Variants in PDE7A observed in about 807,000 individuals in gnomAD.
The protein encoded by PDE7A is high affinity 3',5'-cyclic-AMP phosphodiesterase 7A.
PDE7A carries 39 observed loss-of-function variants against 64.3 expected under a neutral mutation model. The observed-to-expected ratio is 0.61, with a 90% CI of 0.47 to 0.79. PDE7A has a LOEUF of 0.79. Ranked by LOEUF, PDE7A falls within the 30% of genes least tolerant of loss-of-function variation. The pLI is 0.00. For synonymous variants in PDE7A, 203 were observed against 206.8 expected, an observed-to-expected ratio of 0.98 and a Z score of 0.16; for missense variants, 470 against 582.8, an observed-to-expected ratio of 0.81 and a Z score of 1.99.
Position 65,744,001 on chromosome 8 carries a change from G to A in PDE7A, c.499+1406C>T, listed in dbSNP as rs144834414. Among the ~76,000 whole-genome samples, 496 of 152,152 alleles carry A rather than the reference G, an allele frequency of 3.3e-3. 4 individuals are homozygous for A. Among genetic ancestry groups the A allele is most frequent in the African/African-American group, 0.011 (476 of 41,524 alleles). On this transcript the variant is annotated intron_variant, in intron 5 of 12. Coordinates refer to ENST00000401827, the MANE Select transcript of PDE7A (RefSeq NM_001242318.3). Reference sequence around the variant, plus strand: ...ACATGAACCACCACACCCAGCCAATGTTTGTATTTTTAGTAGAGATGGGGT... The same window carrying A: ...ACATGAACCACCACACCCAGCCAATATTTGTATTTTTAGTAGAGATGGGGT...
In PDE7A at chr8:65,723,536, G is replaced by A. The variant is rs1806480409; in HGVS notation, c.1243+5C>T. On this transcript the variant is annotated splice_donor_5th_base_variant and intron_variant, in intron 12 of 12. Transcript: ENST00000401827. ...AACCAGCTATATCTAAATATGTATA[G>A]TTACCAATCTGGATGTTGGCAATAG... 6.4e-7 allele frequency: 1 copy of A among 1,553,782 alleles called. No individual in the cohort carries two copies. Among genetic ancestry groups the A allele is most frequent in the African/African-American group, 1.4e-5 (1 of 72,418 alleles).
chr8:65,810,326 G>A (rs1249765228), intron 1 of PDE7A, among the ~76,000 whole-genome samples: 8 of 149,334 alleles, frequency 5.4e-5, no homozygotes, highest in East Asian at 2.0e-4. Flanking sequence ...GGTGGGGAAC[G>A]TGACACACCA....
chr8:65,718,627 C>T lies in PDE7A; in HGVS notation c.*663G>A, dbSNP rs1031423568. On this transcript the variant is annotated 3_prime_UTR_variant, in exon 13 of 13. Coordinates refer to ENST00000401827, the MANE Select transcript of PDE7A (RefSeq NM_001242318.3). ...GGAGTGAAAGCTTGGCGGTACTCTACGATAAATGCTCAGTTTCCAGTGCAT... is the reference window on the plus strand; with the variant it reads ...GGAGTGAAAGCTTGGCGGTACTCTATGATAAATGCTCAGTTTCCAGTGCAT... 3.3e-5 allele frequency: 5 copies of T among 152,402 alleles called. No individual in the cohort carries two copies. In the East Asian group the frequency reaches 7.7e-4, roughly 23 times the overall value. The allele number at this position is 152,402 out of a possible 1,614,324, so 9.4% of individuals were successfully genotyped here. A position where few individuals can be genotyped will look rare whatever the true frequency, so the allele number is the denominator to read the frequency against.
chr8:65,752,468 T>C (rs1289062097), intron 3 of PDE7A, among the ~76,000 whole-genome samples: 3 of 152,206 alleles, frequency 2.0e-5, no homozygotes, highest in African/African-American at 7.2e-5. Flanking sequence ...TTGAATTTCT[T>C]TGAAGGTACT....
chr8:65,808,460 CATT>C (rs1001892717), intron 1 of PDE7A, among the ~76,000 whole-genome samples: 4 of 152,074 alleles, frequency 2.6e-5, no homozygotes, highest in Non-Finnish European at 4.4e-5. Flanking sequence ...AAATCACCGA[CATT>C]ATAAGTTTTT....
In PDE7A at chr8:65,719,244, T is replaced by C; in HGVS notation, c.*46A>G. The stretch of plus-strand genomic sequence containing the variant: ...TCTCACCTCAAGACCCCATTTCACA[T>C]TTCTAAAAACCTCCAGGAGGCAGTT... On this transcript the variant is annotated 3_prime_UTR_variant, in exon 13 of 13. Transcript: ENST00000401827. The C allele has an allele frequency of 7.2e-7, 1 of 1,387,226 alleles. No individual in the cohort carries two copies. The highest frequency in any genetic ancestry group is 1.0e-6 in the Non-Finnish European group (1 of 973,512). The allele number at this position is 1,387,226 out of a possible 1,614,324, so 85.9% of individuals were successfully genotyped here.
chr8:65,834,078 T>A (rs1810895973), intron 1 of PDE7A, among the ~76,000 whole-genome samples: 1 of 152,178 alleles, frequency 6.6e-6, no homozygotes, highest in African/African-American at 2.4e-5. Context: ...AAAGGTCCCC[T>A]TACAAGCAGA....
At chr8:65,822,767 TATG>T (rs772161936) in intron 1 of PDE7A, among the ~76,000 whole-genome samples, 3 of 152,084 alleles carry the variant, frequency 2.0e-5, no homozygotes, top group Non-Finnish European at 4.4e-5. Context: ...ATCCTAGGGG[TATG>T]ATGAGTGAAC....
Position 65,746,366 on chromosome 8 carries a change from T to A in PDE7A, c.436-896A>T, listed in dbSNP as rs1166214576. ...TTTCTAGAACCTAGGCATCTGACAC[T>A]GATACCACACCATGCTTAAATTATT... On this transcript the variant is annotated intron_variant, in intron 4 of 12. Transcript: ENST00000401827. Among the ~76,000 whole-genome samples the A allele has an allele frequency of 2.0e-5, 3 of 152,306 alleles. No homozygotes were observed. The East Asian group carries it at 5.8e-4, about 29-fold the overall frequency.
intron 1 of PDE7A, among the ~76,000 whole-genome samples, chr8:65,787,088 A>G (rs1809578934): frequency 6.6e-6 from 1 of 152,238 alleles, no homozygotes; most frequent in Non-Finnish European, 1.5e-5. Flanking sequence ...AAACCCAGCA[A>G]AGATATTTTA....
intron 11 of PDE7A, among the ~76,000 whole-genome samples, chr8:65,723,930 A>G (rs142886854): frequency 6.6e-6 from 1 of 152,170 alleles, no homozygotes; most frequent in Non-Finnish European, 1.5e-5. Context: ...TTACACACAC[A>G]AAAGTTTTAC....
intron 3 of PDE7A, among the ~76,000 whole-genome samples, chr8:65,764,721 C>A (rs1808683301): frequency 6.6e-6 from 1 of 151,542 alleles, no homozygotes; most frequent in African/African-American, 2.4e-5. Context: ...TCTTTCATGT[C>A]ATAATACAAC....
chr8:65,770,080 T>C (rs1438171031), intron 3 of PDE7A, among the ~76,000 whole-genome samples: 1 of 152,096 alleles, frequency 6.6e-6, no homozygotes, highest in East Asian at 1.9e-4. Flanking sequence ...TATTCTCAGA[T>C]ATGCATTGTT....
chr8:65,737,866 A>T (rs1807217598), intron 6 of PDE7A, among the ~76,000 whole-genome samples: 1 of 152,218 alleles, frequency 6.6e-6, no homozygotes, highest in Non-Finnish European at 1.5e-5. Context: ...AACTTATTTT[A>T]TAGTTCCACA....
chr8:65,724,386 T>C (rs1806522847), intron 10 of PDE7A, 35 bp from the exon 11 acceptor site: 4 of 1,400,784 alleles, frequency 2.9e-6, no homozygotes, highest in South Asian at 1.2e-5. Flanking sequence ...TTTTAAGATA[T>C]ATACACACTT....
At chr8:65,725,430 C>T (rs1256525827) in intron 9 of PDE7A, 1 of 154,482 alleles carries the variant, frequency 6.5e-6, no homozygotes, top group Non-Finnish European at 1.5e-5. Context: ...CCCTGAGCAA[C>T]TTAATAACTG....
intron 1 of PDE7A, among the ~76,000 whole-genome samples, chr8:65,833,182 C>T (rs1022659229): frequency 6.6e-6 from 1 of 152,146 alleles, no homozygotes; most frequent in East Asian, 1.9e-4. Context: ...AATGCTCTGT[C>T]CCCTCTCACC....
chr8:65,758,251 A>AC (rs35677611), intron 3 of PDE7A, among the ~76,000 whole-genome samples: 43 of 152,310 alleles, frequency 2.8e-4, no homozygotes, highest in African/African-American at 1.0e-3. Context: ...TGAAGGCACA[A>AC]CCCACCCCCA....
chr8:65,761,018 T>C (rs956369815), intron 3 of PDE7A, among the ~76,000 whole-genome samples: 2 of 152,124 alleles, frequency 1.3e-5, no homozygotes, highest in Non-Finnish European at 2.9e-5. Flanking sequence ...GCTCACCCTC[T>C]GGCTGTATTA....
Sources: gnomAD v4.1 joint callset for allele counts (sites outside exome capture counted in the v4.1 genomes callset) on GRCh38, gnomAD v4.1.1 for gene constraint, MANE v1.5 for transcripts, NCBI Gene and HGNC (gene_info 2026-07-23, HGNC 2026-07-21) for gene names.